The following RAB38 variants were observed in gnomAD, a reference collection of about 807,000 sequenced individuals.
RAB38 encodes the protein RAB38, member RAS oncogene family, also known as ras-related protein Rab-38.
A neutral mutation model predicts 18.4 loss-of-function variants in RAB38; 15 were observed. That is an observed-to-expected ratio of 0.82 (90% CI 0.55 to 1.26). The LOEUF (loss-of-function observed/expected upper bound fraction) is 1.26. RAB38 is among the 50% of genes most tolerant of loss of function. The probability of loss-of-function intolerance (pLI) is 0.00; values close to 1 mark genes in which losing one functional copy is unlikely to be tolerated. For synonymous variants in RAB38, 101 were observed against 104.4 expected (o/e 0.97, Z 0.20); for missense variants, 294 against 267.4 (o/e 1.10, Z -0.69).
chr11:88,099,552 C>T, the RAB38 span, among the ~76,000 whole-genome samples: 7 of 151,714 alleles, frequency 4.6e-5, no homozygotes, highest in South Asian at 2.1e-4. Context: ...TAAATCAATC[C>T]GAAATATAAG....
the RAB38 span, among the ~76,000 whole-genome samples, chr11:87,946,134 C>T: frequency 2.0e-5 from 3 of 152,248 alleles, no homozygotes; most frequent in Non-Finnish European, 2.9e-5. Flanking sequence ...ACTATGGTTA[C>T]AGAACTTACC....
chr11:87,947,077 G>T, the RAB38 span, among the ~76,000 whole-genome samples: 2 of 152,150 alleles, frequency 1.3e-5, no homozygotes, highest in South Asian at 4.2e-4. Flanking sequence ...TTTAATGATG[G>T]CCATTCTAAC....
the RAB38 span, among the ~76,000 whole-genome samples, chr11:88,062,297 C>T: frequency 4.6e-5 from 7 of 152,074 alleles, no homozygotes; most frequent in South Asian, 1.5e-3. Flanking sequence ...TTGACAGTTC[C>T]TCCTTCACAT....
intron 2 of RAB38, among the ~76,000 whole-genome samples, chr11:88,149,104 G>A (rs952843014): frequency 2.6e-5 from 4 of 152,076 alleles, no homozygotes; most frequent in Admixed American, 1.3e-4. Flanking sequence ...TCCACCTCCT[G>A]CCACTTTTCT....
the RAB38 span, among the ~76,000 whole-genome samples, chr11:87,889,335 C>A: frequency 0.5 from 76,019 of 151,658 alleles, 22,303 homozygotes; most frequent in Non-Finnish European, 0.66. Flanking sequence ...ATCCAAACCA[C>A]ATGTGCTGTT....
chr11:87,974,705 C>A, the RAB38 span, among the ~76,000 whole-genome samples: 4 of 150,610 alleles, frequency 2.7e-5, no homozygotes, highest in South Asian at 6.3e-4. Context: ...GAAAACCAAG[C>A]CTGCTGAAAA....
chr11:88,133,613 A>G (rs917433024), intron 2 of RAB38, among the ~76,000 whole-genome samples: 1 of 152,228 alleles, frequency 6.6e-6, no homozygotes, highest in Non-Finnish European at 1.5e-5. Context: ...AGAGGGGGAT[A>G]ATTATTTAAT....
chr11:88,016,467 G>C, the RAB38 span, among the ~76,000 whole-genome samples: 2 of 152,060 alleles, frequency 1.3e-5, no homozygotes, highest in African/African-American at 4.8e-5. Flanking sequence ...GTGGTGAAAG[G>C]AAACATCTTC....
At chr11:87,941,237 A>ATATATATATATATATG in the RAB38 span, among the ~76,000 whole-genome samples, 22 of 123,650 alleles carry the variant, frequency 1.8e-4, 1 homozygote, top group Admixed American at 5.2e-4. Context: ...ATATATATAT[A>ATATATATATATATATG]TATATATATG....
chr11:88,021,205 C>T, the RAB38 span, among the ~76,000 whole-genome samples: 1 of 152,094 alleles, frequency 6.6e-6, no homozygotes, highest in African/African-American at 2.4e-5. Flanking sequence ...TTTAGCCACA[C>T]TAAGAAAGAG....
the RAB38 span, among the ~76,000 whole-genome samples, chr11:88,038,611 T>C: frequency 7.9e-5 from 12 of 152,300 alleles, no homozygotes; most frequent in East Asian, 1.9e-3. Context: ...CTATCAGAAA[T>C]AGAACACACA....
At chr11:87,888,318 G>GA in the RAB38 span, among the ~76,000 whole-genome samples, 1 of 151,838 alleles carries the variant, frequency 6.6e-6, no homozygotes, top group Non-Finnish European at 1.5e-5. Flanking sequence ...TCACAATGTG[G>GA]AAAAAAATGT....
At chr11:88,028,953 GA>G in the RAB38 span, among the ~76,000 whole-genome samples, 5 of 152,094 alleles carry the variant, frequency 3.3e-5, no homozygotes, top group African/African-American at 1.2e-4. Context: ...TGAAATGAAG[GA>G]AAAAATGTTA....
chr11:88,069,548 C>G, the RAB38 span, among the ~76,000 whole-genome samples: 3 of 152,318 alleles, frequency 2.0e-5, no homozygotes, highest in South Asian at 6.2e-4. Context: ...TATGTCTAGC[C>G]GGAGGATCGT....
the RAB38 span, among the ~76,000 whole-genome samples, chr11:87,947,982 G>A: frequency 3.9e-5 from 6 of 152,110 alleles, no homozygotes; most frequent in Non-Finnish European, 8.8e-5. Flanking sequence ...AAATTACCTT[G>A]GGCAGTATGG....
chr11:88,050,182 T>C, the RAB38 span: 2 of 152,242 alleles, frequency 1.3e-5, no homozygotes, highest in Non-Finnish European at 2.9e-5. Context: ...TTACCCTTTA[T>C]GTAAGTATCC....
At chr11:88,101,678 TAA>T in the RAB38 span, among the ~76,000 whole-genome samples, 3 of 151,828 alleles carry the variant, frequency 2.0e-5, no homozygotes, top group Non-Finnish European at 4.4e-5. Context: ...AAATATGTTA[TAA>T]AGACACGGTT....
chr11:88,094,584 A>T, the RAB38 span, among the ~76,000 whole-genome samples: 1 of 151,824 alleles, frequency 6.6e-6, no homozygotes, highest in South Asian at 2.1e-4. Context: ...CTTGTCAAAC[A>T]TTATGTGAAC....
At chr11:88,076,181 T>C in the RAB38 span, among the ~76,000 whole-genome samples, 1 of 151,778 alleles carries the variant, frequency 6.6e-6, no homozygotes. Context: ...TAAAGACTAC[T>C]ACAAACAACT....
Sources: allele counts gnomAD v4.1 joint callset (sites outside exome capture counted in the v4.1 genomes callset), GRCh38; gene constraint gnomAD v4.1.1; transcripts MANE v1.5; gene names NCBI Gene and HGNC (gene_info 2026-07-23, HGNC 2026-07-21).